EPHA5: variants seen among roughly 807,000 people sequenced by gnomAD.
EPHA5 encodes ephrin type-A receptor 5.
EPHA5 carries 60 observed loss-of-function variants against 105.0 expected under a neutral mutation model. The ratio of observed to expected loss-of-function variants is 0.57; its 90% CI spans 0.46 to 0.71. EPHA5 has a LOEUF of 0.71. Ranked by LOEUF, EPHA5 falls within the 30% of genes least tolerant of loss-of-function variation. The probability of loss-of-function intolerance (pLI) is 0.00; values close to 1 mark genes in which losing one functional copy is unlikely to be tolerated. For synonymous variants in EPHA5, 513 were observed against 449.1 expected (o/e 1.14, Z -1.80); for missense variants, 1,218 against 1,274.7 (o/e 0.96, Z 0.68).
At chr4:65,369,867 T>G (rs1483426244) in intron 8 of EPHA5, among the ~76,000 whole-genome samples, 1 of 152,016 alleles carries the variant, frequency 6.6e-6, no homozygotes, top group East Asian at 1.9e-4. Context: ...CTTGGGAGGC[T>G]GAGGCAGAAG....
intron 11 of EPHA5, among the ~76,000 whole-genome samples, chr4:65,364,503 C>T (rs1271328298): frequency 6.6e-6 from 1 of 151,586 alleles, no homozygotes; most frequent in Non-Finnish European, 1.5e-5. Context: ...TTCACAACAA[C>T]AAAAATTCAT....
chr4:65,429,974 G>A (rs1349227243), intron 5 of EPHA5, among the ~76,000 whole-genome samples: 1 of 151,986 alleles, frequency 6.6e-6, no homozygotes. Context: ...TGGAACTAGA[G>A]AAAATACAGG....
intron 5 of EPHA5, among the ~76,000 whole-genome samples, chr4:65,489,045 C>T (rs1359740071): frequency 6.6e-6 from 1 of 150,642 alleles, no homozygotes; most frequent in Non-Finnish European, 1.5e-5. Context: ...ACCACCATGC[C>T]CGGCTAATTT....
At chr4:65,327,184 T>G (rs1207965179) in intron 16 of EPHA5, among the ~76,000 whole-genome samples, 1 of 151,276 alleles carries the variant, frequency 6.6e-6, no homozygotes, top group Non-Finnish European at 1.5e-5. Context: ...TTTATTTGAT[T>G]AATAAATGTG....
At chr4:65,402,940 A>T (rs6847413) in intron 8 of EPHA5, among the ~76,000 whole-genome samples, 10,673 of 152,236 alleles carry the variant, frequency 0.07, 590 homozygotes, top group African/African-American at 0.15. Context: ...CTTCAGAGAG[A>T]TGAAATCAGT....
At chr4:65,622,207 G>C in intron 2 of EPHA5, among the ~76,000 whole-genome samples, 1 of 151,918 alleles carries the variant, frequency 6.6e-6, no homozygotes, top group African/African-American at 2.4e-5. Context: ...ATTTGGTTTG[G>C]TGTTCTCTTC....
chr4:65,378,091 T>C (rs1192687750), intron 8 of EPHA5, among the ~76,000 whole-genome samples: 3 of 151,880 alleles, frequency 2.0e-5, no homozygotes, highest in South Asian at 2.1e-4. Context: ...AGATAGATGA[T>C]TATTTCCAAA....
intron 7 of EPHA5, among the ~76,000 whole-genome samples, chr4:65,411,584 TTAAC>T (rs1214444211): frequency 1.3e-5 from 2 of 152,106 alleles, no homozygotes; most frequent in African/African-American, 4.8e-5. Context: ...CCAGAACTCT[TTAAC>T]TATGACTTAC....
intron 5 of EPHA5, among the ~76,000 whole-genome samples, chr4:65,486,376 T>G (rs552844866): frequency 6.2e-4 from 94 of 152,006 alleles, no homozygotes; most frequent in East Asian, 1.2e-3. Flanking sequence ...TGCGTGTTAC[T>G]GAATTTATTA....
chr4:65,554,901 A>G (rs1173699840), intron 3 of EPHA5, among the ~76,000 whole-genome samples: 1 of 148,668 alleles, frequency 6.7e-6, no homozygotes, highest in Non-Finnish European at 1.5e-5. Context: ...TCTCTGTGCT[A>G]CCACATAAGG....
rs148480537 is a variant in EPHA5 at position 65,635,538 on chromosome 4, T to C, written c.246+7825A>G. Among the ~76,000 whole-genome samples the C allele has an allele frequency of 7.9e-4, 121 of 152,204 alleles. 1 individual carries two copies. Among genetic ancestry groups the C allele is most frequent in the African/African-American group, 2.7e-3 (113 of 41,542 alleles). ...ACAGACAACTCAGTGGGGAGAAGAC[T>C]GGTTCCACCAAAGCAAAGGAGGCAG... On this transcript the variant is annotated intron_variant, in intron 2 of 16. Transcript: ENST00000613740.
intron 5 of EPHA5, among the ~76,000 whole-genome samples, chr4:65,466,768 A>G (rs919267228): frequency 6.6e-6 from 1 of 152,202 alleles, no homozygotes; most frequent in Non-Finnish European, 1.5e-5. Context: ...AAGCTCTTAA[A>G]CATTACCTGG....
At chr4:65,462,566 G>A (rs1427788072) in intron 5 of EPHA5, among the ~76,000 whole-genome samples, 1 of 152,138 alleles carries the variant, frequency 6.6e-6, no homozygotes, top group African/African-American at 2.4e-5. Flanking sequence ...TGGGGCTTCA[G>A]TGGGGGAGGC....
At chr4:65,405,425 T>C (rs80099649) in intron 7 of EPHA5, among the ~76,000 whole-genome samples, 2,548 of 152,268 alleles carry the variant, frequency 0.017, 61 homozygotes, top group African/African-American at 0.058. Context: ...AATATTGTCA[T>C]AGAAATTAAT....
At chr4:65,442,888 A>C (rs1726155523) in intron 5 of EPHA5, among the ~76,000 whole-genome samples, 1 of 152,160 alleles carries the variant, frequency 6.6e-6, no homozygotes, top group Non-Finnish European at 1.5e-5. Flanking sequence ...TGTGGCAGTC[A>C]GAGTCACTGC....
intron 1 of EPHA5, among the ~76,000 whole-genome samples, chr4:65,668,518 G>A (rs542640522): frequency 2.9e-4 from 44 of 152,268 alleles, no homozygotes; most frequent in African/African-American, 1.0e-3. Context: ...GCGCCCTTGG[G>A]CTGAGACCCG....
intron 2 of EPHA5, among the ~76,000 whole-genome samples, chr4:65,628,008 T>C (rs2149486826): frequency 6.6e-6 from 1 of 152,236 alleles, no homozygotes. Context: ...TTTAACTCAG[T>C]ATGGACTCAA....
chr4:65,580,540 C>T (rs373885222), intron 3 of EPHA5, among the ~76,000 whole-genome samples: 2 of 151,712 alleles, frequency 1.3e-5, no homozygotes, highest in Non-Finnish European at 2.9e-5. Context: ...GAATATTTCA[C>T]CAAAAACTAT....
intron 8 of EPHA5, among the ~76,000 whole-genome samples, chr4:65,378,969 A>C (rs1002346867): frequency 4.0e-5 from 6 of 151,878 alleles, no homozygotes; most frequent in African/African-American, 1.4e-4. Context: ...CAAAAAAATG[A>C]ACAATTACTG....
Sources: allele counts gnomAD v4.1 joint callset (sites outside exome capture counted in the v4.1 genomes callset), GRCh38; gene constraint gnomAD v4.1.1; transcripts MANE v1.5; gene names NCBI Gene and HGNC (gene_info 2026-07-23, HGNC 2026-07-21).